Variants in CACNA1A observed in about 807,000 individuals in gnomAD.
CACNA1A encodes voltage-dependent P/Q-type calcium channel subunit alpha-1A.
CACNA1A carries 57 observed loss-of-function variants against 262.4 expected under a neutral mutation model. That is an observed-to-expected ratio of 0.22 (90% CI 0.18 to 0.27). The LOEUF (loss-of-function observed/expected upper bound fraction) is 0.27, where lower values mean the gene tolerates loss of function less well. Among genes scored for constraint, CACNA1A ranks in the 10% least tolerant of loss-of-function variants. CACNA1A has a pLI of 1.00. For synonymous variants in CACNA1A, 1,431 were observed against 1,419.3 expected, an observed-to-expected ratio of 1.01 and a Z score of -0.18; for missense variants, 2,526 against 3,562.8, an observed-to-expected ratio of 0.71 and a Z score of 7.41.
At position 13,506,101 on chromosome 19, in the gene CACNA1A, G is replaced by T; in HGVS notation, c.124C>A (p.Pro42Thr). ...GAGGSRQGGQ[P>T]GAQRMYKQSM... Reference sequence around the variant, plus strand: ...TGCTTGTACATCCTTTGCGCCCCGGGCTGCCCGCCCTGCCGGCTGCCCCCG... The same window carrying T: ...TGCTTGTACATCCTTTGCGCCCCGGTCTGCCCGCCCTGCCGGCTGCCCCCG... The change falls in exon 1 of 47, where the codon CCC becomes ACC. Residue 42 changes from proline to threonine, a missense_variant. Pro to Thr is a conservative substitution (Grantham distance 38). Around this residue, in one of 17 missense-constraint regions of CACNA1A, gnomAD observed 65 missense variants for 75.6 expected, o/e 0.86. Coordinates refer to ENST00000360228, the MANE Select transcript of CACNA1A (RefSeq NM_001127222.2). The T allele has an allele frequency of 6.2e-7, 1 of 1,612,534 alleles. No individual in the cohort carries two copies. The highest frequency in any genetic ancestry group is 1.1e-5 in the South Asian group (1 of 90,936).
At chr19:13,210,879 T>C in intron 43 of CACNA1A, 2 of 611,408 alleles carry the variant, frequency 3.3e-6, no homozygotes, top group East Asian at 2.8e-5. Flanking sequence ...TCTATTCCCA[T>C]GGGTACAGAG....
At chr19:13,226,822 T>C in intron 37 of CACNA1A, 1 of 150,702 alleles carries the variant, frequency 6.6e-6, no homozygotes, top group Non-Finnish European at 1.5e-5. Flanking sequence ...CATGTTGGGG[T>C]GTCTTGGGGG....
chr19:13,497,606 G>A (rs557527390), intron 1 of CACNA1A, among the ~76,000 whole-genome samples: 22 of 109,616 alleles, frequency 2.0e-4, no homozygotes, highest in Non-Finnish European at 3.0e-4. Context: ...AGCTGGGTAC[G>A]GTGGTGCATG....
intron 28 of CACNA1A, chr19:13,256,078 C>G (rs1414409322): frequency 6.6e-6 from 1 of 150,450 alleles, no homozygotes; most frequent in African/African-American, 2.4e-5. Flanking sequence ...CAGCCTTGAC[C>G]TCCTGGACTC....
chr19:13,286,172 G>C (rs971374264), intron 20 of CACNA1A, among the ~76,000 whole-genome samples: 1 of 152,020 alleles, frequency 6.6e-6, no homozygotes. Context: ...GTGCTGGGCC[G>C]AGAGAATCAA....
chr19:13,349,027 A>AAAAAG (rs541410353), intron 6 of CACNA1A, among the ~76,000 whole-genome samples: 36 of 137,810 alleles, frequency 2.6e-4, no homozygotes, highest in South Asian at 2.1e-3. Context: ...AAAAAAAAAA[A>AAAAAG]AGAGAGACAA....
chr19:13,341,888 C>T (rs952871901), intron 6 of CACNA1A, among the ~76,000 whole-genome samples: 1 of 152,128 alleles, frequency 6.6e-6, no homozygotes, highest in Non-Finnish European at 1.5e-5. Context: ...CTGCTGTATT[C>T]CTGTATTCCC....
intron 1 of CACNA1A, among the ~76,000 whole-genome samples, chr19:13,503,953 C>T (rs1459826159): frequency 1.3e-5 from 2 of 152,132 alleles, no homozygotes; most frequent in East Asian, 3.9e-4. Flanking sequence ...TCTCCCCCAA[C>T]AGCCCTCCAA....
chr19:13,261,645 T>G, intron 25 of CACNA1A, 35 bp from the exon 26 acceptor site: 1 of 1,591,362 alleles, frequency 6.3e-7, no homozygotes, highest in Non-Finnish European at 8.6e-7. Context: ...CATGAGGGGC[T>G]GGGGACCTGC....
chr19:13,358,975 T>C (rs2059054913), intron 6 of CACNA1A, among the ~76,000 whole-genome samples: 1 of 152,230 alleles, frequency 6.6e-6, no homozygotes, highest in African/African-American at 2.4e-5. Flanking sequence ...GCATTCCAGC[T>C]TGTACATCCA....
In CACNA1A at chr19:13,230,997, T is replaced by G. The variant is rs559563405; in HGVS notation, c.5400+713A>C. On this transcript the variant is annotated intron_variant, in intron 35 of 46. Coordinates refer to ENST00000360228, the MANE Select transcript of CACNA1A (RefSeq NM_001127222.2). ...TTCTTCCCTCGCAATGTTTTTTTTTTTTTTGTTTGTTTTTGTTTGTTTTTG... is the reference window on the plus strand; with the variant it reads ...TTCTTCCCTCGCAATGTTTTTTTTTGTTTTGTTTGTTTTTGTTTGTTTTTG... Among the ~76,000 whole-genome samples the G allele has an allele frequency of 1.4e-3, 179 of 129,334 alleles. 4 individuals carry two copies. In the East Asian group the frequency reaches 0.036, roughly 26 times the overall value. The allele number at this position is 129,334 out of a possible 152,430, so 84.8% of individuals were successfully genotyped here. A position where few individuals can be genotyped will look rare whatever the true frequency, so the allele number is the denominator to read the frequency against.
chr19:13,271,462 C>G lies in CACNA1A; in HGVS notation c.3989+4388G>C, dbSNP rs564131574. ...TCTTGGACCCCTGACCTCAAGTGATCCACCTGCCTCGGCCTCCCCAAGTGC... is the reference window on the plus strand; with the variant it reads ...TCTTGGACCCCTGACCTCAAGTGATGCACCTGCCTCGGCCTCCCCAAGTGC... On this transcript the variant is annotated intron_variant, in intron 24 of 46. Transcript: ENST00000360228. 2.6e-5 allele frequency: 4 copies of G among 152,176 alleles called. No individual in the cohort carries two copies. The South Asian group carries it at 8.3e-4, about 32-fold the overall frequency. 9.4% of individuals were successfully genotyped at this position (152,176 alleles called of 1,614,324 possible). A position where few individuals can be genotyped will look rare whatever the true frequency, so the allele number is the denominator to read the frequency against.
At chr19:13,313,064 T>A (rs895811732) in intron 11 of CACNA1A, among the ~76,000 whole-genome samples, 2 of 151,972 alleles carry the variant, frequency 1.3e-5, no homozygotes, top group African/African-American at 4.8e-5. Context: ...TCTCACTATG[T>A]TGCCCTGGCT....
At chr19:13,427,206 C>T (rs893593978) in intron 3 of CACNA1A, among the ~76,000 whole-genome samples, 2 of 152,034 alleles carry the variant, frequency 1.3e-5, no homozygotes, top group African/African-American at 4.8e-5. Flanking sequence ...ATTCCTAGCA[C>T]TTTGGGGGGC....
At chr19:13,351,432 G>C (rs2058905649) in intron 6 of CACNA1A, among the ~76,000 whole-genome samples, 1 of 151,770 alleles carries the variant, frequency 6.6e-6, no homozygotes, top group South Asian at 2.1e-4. Flanking sequence ...GCCTTGAACT[G>C]CTGGGCTCAA....
chr19:13,219,103 G>A lies in CACNA1A; in HGVS notation c.5732-4495C>T, dbSNP rs946199579. On this transcript the variant is annotated intron_variant, in intron 38 of 46. Transcript: ENST00000360228. ...TCTGTCCAGCCTGGAGTGAAGTGGC[G>A]GGATCTCGGCTCACTGCAACCTCTG... 5.7e-5 allele frequency among the ~76,000 whole-genome samples: 8 copies of A among 141,508 alleles called. 1 individual carries two copies. The South Asian group carries it at 9.0e-4, about 16-fold the overall frequency. The allele number at this position is 141,508 out of a possible 152,430, so 92.8% of individuals were successfully genotyped here.
At chr19:13,260,189 A>G (rs62108600) in intron 26 of CACNA1A, 33,630 of 157,670 alleles carry the variant, frequency 0.21, 3,935 homozygotes, top group African/African-American at 0.3. Context: ...CAAGATAACA[A>G]CAGGCTACCA....
chr19:13,473,665 G>C (rs899270288), intron 1 of CACNA1A, among the ~76,000 whole-genome samples: 2 of 152,088 alleles, frequency 1.3e-5, no homozygotes, highest in East Asian at 3.8e-4. Flanking sequence ...ACAAGTTCCA[G>C]GAGGGCCAGG....
At chr19:13,491,175 C>T (rs938839687) in intron 1 of CACNA1A, among the ~76,000 whole-genome samples, 7 of 152,294 alleles carry the variant, frequency 4.6e-5, no homozygotes, top group Admixed American at 4.6e-4. Flanking sequence ...TTTATCCTTG[C>T]TGTGCCTTCA....
Sources: gnomAD v4.1 joint callset for allele counts (sites outside exome capture counted in the v4.1 genomes callset) on GRCh38, gnomAD v4.1.1 for gene constraint, gnomAD v4.1.1 regional missense constraint, MANE v1.5 for transcripts, NCBI Gene and HGNC (gene_info 2026-07-23, HGNC 2026-07-21) for gene names.